The following DPP6 variants were observed in gnomAD, a reference collection of about 807,000 sequenced individuals.
DPP6 encodes the protein A-type potassium channel modulatory protein DPP6.
A neutral mutation model predicts 122.6 loss-of-function variants in DPP6; 69 were observed. That is an observed-to-expected ratio of 0.56 (90% CI 0.46 to 0.69). The LOEUF is 0.69. DPP6 is among the 30% of genes least tolerant of loss of function. DPP6 has a pLI of 0.00. For synonymous variants in DPP6, 418 were observed against 433.1 expected, an observed-to-expected ratio of 0.97 and a Z score of 0.43; for missense variants, 928 against 1,116.9, an observed-to-expected ratio of 0.83 and a Z score of 2.41.
intron 1 of DPP6, among the ~76,000 whole-genome samples, chr7:154,015,852 C>T (rs567050778): frequency 1.3e-5 from 2 of 152,238 alleles, no homozygotes; most frequent in South Asian, 2.1e-4. Context: ...AAGACAGCCA[C>T]AGGGATCCTG....
intron 1 of DPP6, among the ~76,000 whole-genome samples, chr7:153,985,935 C>A (rs1193080441): frequency 6.6e-6 from 1 of 152,220 alleles, no homozygotes; most frequent in Non-Finnish European, 1.5e-5. Context: ...AAGACCTTAA[C>A]AGGTCCTCTG....
At chr7:154,528,570 T>G (rs7803828) in intron 3 of DPP6, among the ~76,000 whole-genome samples, 61,946 of 151,942 alleles carry the variant, frequency 0.41, 12,873 homozygotes, top group Non-Finnish European at 0.43. Context: ...CATATATTTT[T>G]CATCTAACTT....
chr7:154,295,063 G>C lies in DPP6; in HGVS notation c.244-151151G>C, dbSNP rs77461804. On this transcript the variant is annotated intron_variant, in intron 1 of 25. Transcript: ENST00000377770. ...TGTGCCGGCGCTCCCTTGCTCTGCA[G>C]ATGCATTCAAGGATGTGAAGTTGTG... is the stretch of plus-strand genomic sequence containing the variant. 4.3e-4 allele frequency among the ~76,000 whole-genome samples: 65 copies of C among 152,366 alleles called. 1 individual carries two copies. In the East Asian group the frequency reaches 0.012, roughly 28 times the overall value.
chr7:154,358,223 T>G (rs569094963), intron 1 of DPP6, among the ~76,000 whole-genome samples: 1 of 152,204 alleles, frequency 6.6e-6, no homozygotes, highest in Non-Finnish European at 1.5e-5. Context: ...GCTCACCTGC[T>G]CAGCCGTGCA....
At chr7:154,335,153 G>A (rs185862951) in intron 1 of DPP6, among the ~76,000 whole-genome samples, 67 of 152,322 alleles carry the variant, frequency 4.4e-4, no homozygotes, top group Admixed American at 8.5e-4. Flanking sequence ...AGGAGCAGCT[G>A]ATGTCACGCA....
At chr7:154,018,366 AG>A (rs1798532401) in intron 1 of DPP6, among the ~76,000 whole-genome samples, 1 of 152,112 alleles carries the variant, frequency 6.6e-6, no homozygotes, top group African/African-American at 2.4e-5. Flanking sequence ...AGGCACTGAA[AG>A]GGGATGAGAG....
chr7:154,426,289 T>G (rs12112052), intron 1 of DPP6, among the ~76,000 whole-genome samples: 23 of 152,124 alleles, frequency 1.5e-4, no homozygotes, highest in African/African-American at 4.3e-4. Context: ...TATTGTAGTA[T>G]TGAGTAGGGA....
At chr7:154,385,238 TC>T (rs1308585963) in intron 1 of DPP6, among the ~76,000 whole-genome samples, 2 of 152,166 alleles carry the variant, frequency 1.3e-5, no homozygotes, top group African/African-American at 2.4e-5. Context: ...CAATTTTTTT[TC>T]TTTCTTGCAT....
rs565463214 is a variant in DPP6 at position 154,506,553 on chromosome 7, G to A, written c.457+31516G>A. 5.9e-5 allele frequency among the ~76,000 whole-genome samples: 9 copies of A among 152,208 alleles called. No homozygotes were observed. The South Asian group carries it at 1.9e-3, about 32-fold the overall frequency. ...AGGAACATCCTCTTTATAATAAAAT[G>A]AGTGCTGTCTTGTTTGGCTTATTTA... On this transcript the variant is annotated intron_variant, in intron 3 of 25. Transcript: ENST00000377770.
In DPP6 at chr7:154,892,735, C is replaced by A; in HGVS notation, c.*255C>A. On this transcript the variant is annotated 3_prime_UTR_variant, in exon 26 of 26. Transcript: ENST00000377770. Reference sequence around the variant, plus strand: ...CGCCTCCTCCCGGCGCCCGAGAGACCGGCACGCCACGGCCCCTCCCCCAAG... The same window carrying A: ...CGCCTCCTCCCGGCGCCCGAGAGACAGGCACGCCACGGCCCCTCCCCCAAG... 1 of 721,922 alleles carries A rather than the reference C, an allele frequency of 1.4e-6. No homozygotes were observed. Among genetic ancestry groups the A allele is most frequent in the Non-Finnish European group, 2.5e-6 (1 of 407,756 alleles). 44.7% of individuals were successfully genotyped at this position (721,922 alleles called of 1,614,324 possible). A position where few individuals can be genotyped will look rare whatever the true frequency, so the allele number is the denominator to read the frequency against.
chr7:154,860,237 T>G (rs1330431784), intron 17 of DPP6, among the ~76,000 whole-genome samples: 3 of 152,122 alleles, frequency 2.0e-5, no homozygotes, highest in African/African-American at 7.2e-5. Context: ...GTCAAGGCTG[T>G]GCCCACAGCT....
intron 1 of DPP6, among the ~76,000 whole-genome samples, chr7:154,253,095 C>T (rs1802449335): frequency 6.6e-6 from 1 of 152,098 alleles, no homozygotes; most frequent in Non-Finnish European, 1.5e-5. Context: ...CAATTAATTC[C>T]AAGGCCAAAG....
At chr7:153,921,441 A>G (rs1187250724) in intron 1 of DPP6, among the ~76,000 whole-genome samples, 6 of 152,248 alleles carry the variant, frequency 3.9e-5, no homozygotes, top group Admixed American at 3.3e-4. Flanking sequence ...AATACATCCA[A>G]TTCAGTGGAA....
chr7:153,816,348 T>C, the DPP6 span, among the ~76,000 whole-genome samples: 10 of 151,830 alleles, frequency 6.6e-5, no homozygotes, highest in African/African-American at 2.4e-4. Context: ...ATCAAACAAA[T>C]TAAAAAATCA....
rs1029549071 is a variant in DPP6 at position 154,241,181 on chromosome 7, C to A, written c.243+188118C>A. Among the ~76,000 whole-genome samples, 3 of 40,942 alleles carry A rather than the reference C, an allele frequency of 7.3e-5. No individual in the cohort carries two copies. Among genetic ancestry groups the A allele is most frequent in the Admixed American group, 3.0e-4 (1 of 3,314 alleles). The allele number at this position is 40,942 out of a possible 152,430, so 26.9% of individuals were successfully genotyped here. Reference sequence around the variant, plus strand: ...TGCTGCACAGTAGGTAATTCAATATCAATATGTGTGTGTGTGTGTGTGTGT... The same window carrying A: ...TGCTGCACAGTAGGTAATTCAATATAAATATGTGTGTGTGTGTGTGTGTGT... On this transcript the variant is annotated intron_variant, in intron 1 of 25. Transcript: ENST00000377770. This position sits in a 1 kb window ranked among gnomAD's most constrained non-coding sequence, Gnocchi z 9.0.
At chr7:154,021,266 T>A (rs1454117838) in intron 1 of DPP6, among the ~76,000 whole-genome samples, 1 of 152,148 alleles carries the variant, frequency 6.6e-6, no homozygotes, top group Non-Finnish European at 1.5e-5. Context: ...GATTGGGCTG[T>A]CACCACTTTC....
intron 3 of DPP6, among the ~76,000 whole-genome samples, chr7:154,536,353 C>A (rs184078356): frequency 6.6e-6 from 1 of 152,166 alleles, no homozygotes; most frequent in African/African-American, 2.4e-5. Flanking sequence ...AGATTCATTT[C>A]TAGATAGGTT....
intron 16 of DPP6, among the ~76,000 whole-genome samples, chr7:154,851,308 G>T (rs1008164224): frequency 3.3e-5 from 5 of 152,056 alleles, no homozygotes; most frequent in Non-Finnish European, 5.9e-5. Flanking sequence ...GTGAGGATTT[G>T]ATTAGAAATT....
chr7:154,389,079 C>T (rs751914842), intron 1 of DPP6, among the ~76,000 whole-genome samples: 2 of 152,192 alleles, frequency 1.3e-5, no homozygotes, highest in Admixed American at 1.3e-4. Context: ...ACCGTCCCCG[C>T]AGTGAGCACC....
Sources: allele counts gnomAD v4.1 joint callset (sites outside exome capture counted in the v4.1 genomes callset), GRCh38; gene constraint gnomAD v4.1.1; non-coding constraint Gnocchi (gnomAD v3.1); transcripts MANE v1.5; gene names NCBI Gene and HGNC (gene_info 2026-07-23, HGNC 2026-07-21).